Variants in SLC4A11 observed in about 807,000 individuals in gnomAD.
SLC4A11 encodes the protein bicarbonate transporter related protein 1.
A neutral mutation model predicts 95.0 loss-of-function variants in SLC4A11; 74 were observed. That is an observed-to-expected ratio of 0.78 (90% CI 0.65 to 0.95). The LOEUF (loss-of-function observed/expected upper bound fraction) is 0.95, where lower values mean the gene tolerates loss of function less well. Ranked by LOEUF, SLC4A11 falls within the 40% of genes least tolerant of loss-of-function variation. The probability of loss-of-function intolerance (pLI) is 0.00; values close to 1 mark genes in which losing one functional copy is unlikely to be tolerated. For synonymous variants in SLC4A11, 548 were observed against 519.0 expected, an observed-to-expected ratio of 1.06 and a Z score of -0.76; for missense variants, 1,081 against 1,192.4, an observed-to-expected ratio of 0.91 and a Z score of 1.38.
intron 1 of SLC4A11, chr20:3,238,692 A>C: frequency 2.0e-6 from 2 of 1,002,312 alleles, no homozygotes; most frequent in East Asian, 9.9e-5. Flanking sequence ...CCGGACGGGA[A>C]GATGCCCGGG....
At position 3,230,531 on chromosome 20, in the gene SLC4A11, T is replaced by C; in HGVS notation, c.1399A>G (p.Met467Val). 6.2e-7 allele frequency: 1 copy of C among 1,613,892 alleles called. No homozygotes were observed. Among genetic ancestry groups the C allele is most frequent in the Non-Finnish European group, 8.5e-7 (1 of 1,180,010 alleles). Residue 467 changes from methionine to valine, a missense_variant, in exon 12 of 20, where the codon ATG becomes GTG. Met to Val is a conservative substitution (Grantham distance 21). Coordinates refer to ENST00000642402, the MANE Select transcript of SLC4A11 (RefSeq NM_001174089.2). ...GCCAGTCACCTCTTGAAGAGACTCA[T>C]GACCAGGCTGAGGTTGAAAAAGGCA... ...LYAFFNLSLV[M>V]SLFKRSTEEI...
At chr20:3,237,146 C>T (rs1035164547) in intron 2 of SLC4A11, among the ~76,000 whole-genome samples, 2 of 152,104 alleles carry the variant, frequency 1.3e-5, no homozygotes, top group African/African-American at 4.8e-5. Context: ...GGAAGGTGCC[C>T]GAGGGACTGC....
Position 3,229,181 on chromosome 20 carries a change from A to T in SLC4A11, c.1932T>A (p.Gly644=), listed in dbSNP as rs1224479491. The T allele has an allele frequency of 5.6e-6, 9 of 1,612,184 alleles. No individual in the cohort carries two copies. Among genetic ancestry groups the T allele is most frequent in the Non-Finnish European group, 7.6e-6 (9 of 1,179,928 alleles). The change falls in exon 16 of 20, where the codon GGT becomes GGA. Residue 644 remains glycine, a synonymous_variant. Transcript: ENST00000642402. ...ACAGCAGGAAGCCGAGGCCCATGGC[A>T]CCGCTGACGGCCCTCAGGGACAGCG... The part of the protein sequence containing the change: ...IQSLSLRAVS[G]AMGLGFLLSM...
Position 3,227,610 on chromosome 20 carries a change from G to A in SLC4A11, c.*177C>T. ...CCTAAAGCTAAAGGATAATGGGAGA[G>A]GGGTGGGCACATACCACTGCACCCC... On this transcript the variant is annotated 3_prime_UTR_variant, in exon 20 of 20. Coordinates refer to ENST00000642402, the MANE Select transcript of SLC4A11 (RefSeq NM_001174089.2). 2 of 675,046 alleles carry A rather than the reference G, an allele frequency of 3.0e-6. No individual in the cohort carries two copies. Among genetic ancestry groups the A allele is most frequent in the Non-Finnish European group, 5.3e-6 (2 of 378,372 alleles). 41.8% of individuals were successfully genotyped at this position (675,046 alleles called of 1,614,324 possible).
At chr20:3,239,329 G>T, upstream of SLC4A11, 1 of 1,140,014 alleles carries the variant, frequency 8.8e-7, no homozygotes, top group East Asian at 4.4e-5. Flanking sequence ...GGACCCGGCC[G>T]CCCGCCCCGC....
intron 6 of SLC4A11, 61 bp downstream of exon 6, chr20:3,233,860 G>T (rs2067867271): frequency 1.3e-6 from 2 of 1,588,742 alleles, no homozygotes; most frequent in Admixed American, 3.3e-5. Flanking sequence ...AGGGCACAGG[G>T]GACATGGGAC....
At position 3,228,573 on chromosome 20, in the gene SLC4A11, G is replaced by C; in HGVS notation, c.2327C>G (p.Ala776Gly). 1 of 1,613,262 alleles carries C rather than the reference G, an allele frequency of 6.2e-7. No individual in the cohort carries two copies. ...PVLYGLFLYI[A>G]LTSLDGNQLV... ...CTGGTTGCCATCGAGGGAGGTGAGCGCGATGTAGAGGAAGAGGCCATAGAG... is the reference window on the plus strand; with the variant it reads ...CTGGTTGCCATCGAGGGAGGTGAGCCCGATGTAGAGGAAGAGGCCATAGAG... The change falls in exon 18 of 20, where the codon GCG (alanine) becomes GGG (glycine). Residue 776 changes from alanine to glycine, a missense_variant. By Grantham distance (60) the Ala-to-Gly change is moderately conservative (BLOSUM62 0). Transcript: ENST00000642402.
intron 7 of SLC4A11, 80 bp downstream of exon 7, chr20:3,233,434 C>G: frequency 6.2e-7 from 1 of 1,600,158 alleles, no homozygotes; most frequent in Non-Finnish European, 8.5e-7. Flanking sequence ...GAGGCCAGGA[C>G]ATGTGGGAGG....
Position 3,229,350 on chromosome 20 carries a change from G to T in SLC4A11, c.1845C>A (p.Ile615=). The T allele has an allele frequency of 6.2e-7, 1 of 1,613,202 alleles. No individual in the cohort carries two copies. Among genetic ancestry groups the T allele is most frequent in the Non-Finnish European group, 8.5e-7 (1 of 1,180,004 alleles). The part of the protein sequence containing the change: ...SLISSHGFRE[I]EMSKFRYNPS... The stretch of plus-strand genomic sequence containing the variant: ...CACCGCCCGGCCCCAACTCACTCTC[G>T]ATTTCCCGGAAGCCATGGGAGCTGA... The change falls in exon 15 of 20, where the codon ATC becomes ATA. Residue 615 remains isoleucine, a synonymous_variant. Coordinates refer to ENST00000642402, the MANE Select transcript of SLC4A11 (RefSeq NM_001174089.2).
upstream of SLC4A11, chr20:3,239,199 A>G: frequency 7.3e-7 from 1 of 1,362,328 alleles, no homozygotes; most frequent in Non-Finnish European, 9.4e-7. Context: ...CTGGACCCCA[A>G]ACTCGGCGAC....
Position 3,229,506 on chromosome 20 carries a change from C to T in SLC4A11, c.1742+18G>A, listed in dbSNP as rs1424060975. The T allele has an allele frequency of 4.3e-6, 7 of 1,612,602 alleles. No homozygotes were observed. Among genetic ancestry groups the T allele is most frequent in the African/African-American group, 1.3e-5 (1 of 74,916 alleles). ...CTTTGACCCATGCGGCCCCTCCCCT[C>T]CCCATGCAGCCCCTCACCTCTTCTT... On this transcript the variant is annotated intron_variant, in intron 14 of 19. Coordinates refer to ENST00000642402, the MANE Select transcript of SLC4A11 (RefSeq NM_001174089.2).
At chr20:3,228,194 C>T in intron 19 of SLC4A11, 65 bp downstream of exon 19, 1 of 1,527,268 alleles carries the variant, frequency 6.5e-7, no homozygotes, top group African/African-American at 1.4e-5. Flanking sequence ...CCAGCCGCTG[C>T]CCCAGCCCGC....
rs1203803325 is a variant in SLC4A11, at chr20:3,227,853, A to G, written c.2562T>C (p.Tyr854=). The G allele has an allele frequency of 3.1e-6, 5 of 1,612,914 alleles. No individual in the cohort carries two copies. The highest frequency in any genetic ancestry group is 4.2e-6 in the Non-Finnish European group (5 of 1,179,774). ...CTTCAATGATTCGGGGCAGCAGGAT[A>G]TAGCTGTGGGGAGGGAGGGACAGGA... ...LIMIAMIPIR[Y]ILLPRIIEAK... is the part of the protein sequence containing the mutation. Residue 854 remains tyrosine, a synonymous_variant, in exon 20 of 20, where the codon TAT becomes TAC. Coordinates refer to ENST00000642402, the MANE Select transcript of SLC4A11 (RefSeq NM_001174089.2).
In SLC4A11 at chr20:3,237,748, G is replaced by A. The variant is rs529501659; in HGVS notation, c.44-160C>T. 2.1e-4 allele frequency: 340 copies of A among 1,613,422 alleles called. No homozygotes were observed. In the African/African-American group the frequency reaches 3.9e-3, roughly 18 times the overall value. ...GAAAGGGAAGCAGGGGACAGTGCTC[G>A]GGAGGGGGCCCCATAGCAGGGGAAG... On this transcript the variant is annotated intron_variant, in intron 1 of 19. Coordinates refer to ENST00000642402, the MANE Select transcript of SLC4A11 (RefSeq NM_001174089.2).
chr20:3,230,855 T>C lies in SLC4A11; in HGVS notation c.1169-10A>G, dbSNP rs1005941161. On this transcript the variant is annotated splice_polypyrimidine_tract_variant and intron_variant, in intron 10 of 19. Transcript: ENST00000642402. ...ATGGTCTTCTGCACGTCTGTGGGGGTGCGGAGGTCAGGTGGGCGCCGCAGC... is the reference window on the plus strand; with the variant it reads ...ATGGTCTTCTGCACGTCTGTGGGGGCGCGGAGGTCAGGTGGGCGCCGCAGC... 1 of 1,612,818 alleles carries C rather than the reference T, an allele frequency of 6.2e-7. No homozygotes were observed. The highest frequency in any genetic ancestry group is 1.3e-5 in the African/African-American group (1 of 74,800).
Position 3,229,317 on chromosome 20 carries a change from A to AC in SLC4A11, c.1849+28dup, listed in dbSNP as rs750991962. On this transcript the variant is annotated intron_variant, in intron 15 of 19. Transcript: ENST00000642402. ...CCTGCAGCGCCTGGGGAGCTACCCC[A>AC]CGTCACCCACCGCCCGGCCCCAACT... 3 of 1,612,902 alleles carry AC rather than the reference A, an allele frequency of 1.9e-6. No homozygotes were observed. In the African/African-American group the frequency reaches 4.0e-5, roughly 22 times the overall value.
chr20:3,237,841 CGAG>C lies in SLC4A11; in HGVS notation c.44-256_44-254del, dbSNP rs1432831325. On this transcript the variant is annotated intron_variant, in intron 1 of 19. Transcript: ENST00000642402. ...AGGGGCTGCCCAGGCGGGCCAGAGG[CGAG>C]GAGGAGAGACGTTCCAGGGATGTCT... 16 of 1,555,790 alleles carry C rather than the reference CGAG, an allele frequency of 1.0e-5. No individual in the cohort carries two copies. In the Admixed American group the frequency reaches 1.8e-4, roughly 17 times the overall value.
Position 3,231,306 on chromosome 20 carries a change from C to G in SLC4A11, c.948+24G>C, listed in dbSNP as rs746744062. On this transcript the variant is annotated intron_variant, in intron 8 of 19. Coordinates refer to ENST00000642402, the MANE Select transcript of SLC4A11 (RefSeq NM_001174089.2). The surrounding 1 kb of genome is among the most constrained non-coding windows in gnomAD (Gnocchi z 5.2). ...CCCATGCCCCCGCCGACCCTGCCGGCCCCCGCCGGCCTCTACCCTGTACCT... is the reference window on the plus strand; with the variant it reads ...CCCATGCCCCCGCCGACCCTGCCGGGCCCCGCCGGCCTCTACCCTGTACCT... The G allele has an allele frequency of 1.9e-6, 3 of 1,613,556 alleles. No individual in the cohort carries two copies. In the East Asian group the frequency reaches 6.7e-5, roughly 36 times the overall value.
Position 3,234,388 on chromosome 20 carries a change from A to T in SLC4A11, c.292-74T>A. 5 of 1,525,482 alleles carry T rather than the reference A, an allele frequency of 3.3e-6. No homozygotes were observed. The highest frequency in any genetic ancestry group is 4.5e-6 in the Non-Finnish European group (5 of 1,109,638). 94.5% of individuals were successfully genotyped at this position (1,525,482 alleles called of 1,614,324 possible). On this transcript the variant is annotated intron_variant, in intron 4 of 19. Transcript: ENST00000642402. The surrounding 1 kb of genome is among the most constrained non-coding windows in gnomAD (Gnocchi z 5.8). ...TGTCACTGCCTGGTCCCTCCCTCCC[A>T]GCCAGCCGCAGCAGTCCAGCCCCCA...
Sources: gnomAD v4.1 joint callset for allele counts (sites outside exome capture counted in the v4.1 genomes callset) on GRCh38, gnomAD v4.1.1 for gene constraint, Gnocchi (gnomAD v3.1) non-coding constraint, MANE v1.5 for transcripts, NCBI Gene and HGNC (gene_info 2026-07-23, HGNC 2026-07-21) for gene names.